Variants in COL19A1 observed in about 807,000 individuals in gnomAD.
COL19A1 encodes collagen type XIX alpha 1 chain, also known as collagen alpha-1(XIX) chain.
Under a neutral mutation model 190.2 loss-of-function variants are expected in COL19A1, and 159 were observed. That is an observed-to-expected ratio of 0.84 (90% CI 0.73 to 0.95). The LOEUF (loss-of-function observed/expected upper bound fraction) is 0.95, where lower values mean the gene tolerates loss of function less well. Among genes scored for constraint, COL19A1 ranks in the 40% least tolerant of loss-of-function variants. COL19A1 has a pLI of 0.00. For synonymous variants in COL19A1, 509 were observed against 458.9 expected, an observed-to-expected ratio of 1.11 and a Z score of -1.39; for missense variants, 1,418 against 1,431.9, an observed-to-expected ratio of 0.99 and a Z score of 0.16.
At chr6:69,918,596 C>T (rs9454916) in intron 4 of COL19A1, among the ~76,000 whole-genome samples, 5,333 of 152,154 alleles carry the variant, frequency 0.035, 294 homozygotes, top group African/African-American at 0.12. Context: ...GTCCCAGCTA[C>T]ATAGGAGGCT....
intron 9 of COL19A1, among the ~76,000 whole-genome samples, chr6:69,940,903 C>T (rs1344836378): frequency 6.6e-6 from 1 of 152,146 alleles, no homozygotes; most frequent in African/African-American, 2.4e-5. Flanking sequence ...TCCTATTGCA[C>T]TATGTGATCT....
intron 19 of COL19A1, among the ~76,000 whole-genome samples, chr6:70,138,515 T>C (rs920473064): frequency 6.6e-6 from 1 of 152,144 alleles, no homozygotes; most frequent in African/African-American, 2.4e-5. Context: ...TAAAGAAAAG[T>C]AATACATCTT....
At chr6:69,915,847 T>C (rs1582382921) in intron 4 of COL19A1, among the ~76,000 whole-genome samples, 1 of 152,178 alleles carries the variant, frequency 6.6e-6, no homozygotes, top group African/African-American at 2.4e-5. Flanking sequence ...GAACACGTTT[T>C]ACCTTTCTTC....
intron 14 of COL19A1, among the ~76,000 whole-genome samples, chr6:70,062,995 C>A (rs1269567935): frequency 6.6e-6 from 1 of 152,066 alleles, no homozygotes. Flanking sequence ...TCCTTAGAGA[C>A]CTACAAAGAG....
intron 11 of COL19A1, among the ~76,000 whole-genome samples, chr6:69,967,431 G>A (rs765301448): frequency 6.6e-6 from 1 of 152,210 alleles, no homozygotes; most frequent in South Asian, 2.1e-4. Context: ...TTCTGCAGCT[G>A]TGAGAGTCCA....
chr6:70,003,462 C>T (rs1777402437), intron 11 of COL19A1, among the ~76,000 whole-genome samples: 1 of 152,126 alleles, frequency 6.6e-6, no homozygotes, highest in African/African-American at 2.4e-5. Context: ...CTAATATTGA[C>T]AGTGGGGTGT....
intron 1 of COL19A1, among the ~76,000 whole-genome samples, chr6:69,878,187 TTA>T (rs141143309): frequency 4.0e-5 from 6 of 149,946 alleles, no homozygotes; most frequent in African/African-American, 4.9e-5. Context: ...AGGATAGTAA[TTA>T]TATATATATA....
chr6:70,016,538 C>T (rs1778118508), intron 11 of COL19A1, among the ~76,000 whole-genome samples: 1 of 149,528 alleles, frequency 6.7e-6, no homozygotes, highest in African/African-American at 2.5e-5. Flanking sequence ...CTGGTTACAC[C>T]TCAATAAAGC....
chr6:70,033,316 A>G (rs1779169528), intron 12 of COL19A1, among the ~76,000 whole-genome samples: 1 of 152,150 alleles, frequency 6.6e-6, no homozygotes. Flanking sequence ...CAGGGCAGTA[A>G]TAGCCGGGTC....
intron 13 of COL19A1, 147 bp downstream of exon 13, chr6:70,034,445 A>C: frequency 4.8e-6 from 3 of 621,164 alleles, no homozygotes; most frequent in South Asian, 4.0e-5. Context: ...GAATAAGAAC[A>C]GCCTTTTTGT....
chr6:70,156,494 GGAGAGAGA>G (rs151040381), intron 33 of COL19A1, 125 bp downstream of exon 33: 7 of 851,518 alleles, frequency 8.2e-6, no homozygotes, highest in African/African-American at 5.3e-5. Context: ...GTATGTATAT[GGAGAGAGA>G]GAGAGAGAGA....
chr6:70,142,030 C>G lies in COL19A1; in HGVS notation c.1526C>G (p.Pro509Arg), dbSNP rs766327490. ...VIGSQGVKGEPGDPGPPGLIG... is the reference protein window; with the variant it reads ...VIGSQGVKGERGDPGPPGLIG... ...TTCCCCCCACGTGTTTAGGGTGAAC[C>G]TGGAGATCCCGGACCCCCTGGTTTA... is the stretch of plus-strand genomic sequence containing the variant. The change falls in exon 22 of 51, where the codon CCT (proline) becomes CGT (arginine). Residue 509 changes from proline to arginine, a missense_variant. By Grantham distance (103) the Pro-to-Arg change is moderately radical. Coordinates refer to ENST00000620364, the MANE Select transcript of COL19A1 (RefSeq NM_001858.6). 8 of 1,612,282 alleles carry G rather than the reference C, an allele frequency of 5.0e-6. No homozygotes were observed. The highest frequency in any genetic ancestry group is 1.3e-5 in the African/African-American group (1 of 74,892).
chr6:70,149,650 A>G, intron 27 of COL19A1, 54 bp from the exon 28 acceptor site: 1 of 1,599,622 alleles, frequency 6.3e-7, no homozygotes, highest in Non-Finnish European at 8.5e-7. Flanking sequence ...TCACTTGGAT[A>G]ATTTATGGAC....
intron 19 of COL19A1, among the ~76,000 whole-genome samples, chr6:70,139,055 A>C (rs1786065540): frequency 6.6e-6 from 1 of 152,020 alleles, no homozygotes; most frequent in South Asian, 2.1e-4. Flanking sequence ...TGCATGGAGG[A>C]CCCTGCAGTA....
At chr6:69,989,144 A>G (rs1776466252) in intron 11 of COL19A1, among the ~76,000 whole-genome samples, 1 of 152,096 alleles carries the variant, frequency 6.6e-6, no homozygotes, top group Admixed American at 6.6e-5. Context: ...AGTAAATTAC[A>G]TACCGCTAAG....
intron 11 of COL19A1, among the ~76,000 whole-genome samples, chr6:69,973,005 A>G (rs1488345260): frequency 6.6e-6 from 1 of 152,216 alleles, no homozygotes; most frequent in African/African-American, 2.4e-5. Context: ...TCAATATTTT[A>G]TGTAATTTAA....
intron 11 of COL19A1, chr6:69,973,847 G>A (rs1775566705): frequency 1.3e-5 from 2 of 152,044 alleles, no homozygotes; most frequent in Admixed American, 1.3e-4. Context: ...AGGAGCTACC[G>A]GCATGTGAAC....
chr6:70,058,124 C>T (rs868311791), intron 14 of COL19A1, among the ~76,000 whole-genome samples: 2 of 151,818 alleles, frequency 1.3e-5, no homozygotes, highest in African/African-American at 4.8e-5. Flanking sequence ...TAAACAATAG[C>T]GACAGAGAAC....
intron 4 of COL19A1, among the ~76,000 whole-genome samples, chr6:69,921,454 T>TC (rs1270113798): frequency 3.2e-5 from 4 of 124,004 alleles, no homozygotes; most frequent in South Asian, 2.4e-4. Context: ...TCATATATCA[T>TC]ATATATCATA....
Sources: allele counts gnomAD v4.1 joint callset (sites outside exome capture counted in the v4.1 genomes callset), GRCh38; gene constraint gnomAD v4.1.1; transcripts MANE v1.5; gene names NCBI Gene and HGNC (gene_info 2026-07-23, HGNC 2026-07-21).